The following PIK3C2G variants were observed in gnomAD, a reference collection of about 807,000 sequenced individuals.
PIK3C2G encodes phosphatidylinositol 3-kinase C2 domain-containing subunit gamma.
PIK3C2G carries 168 observed loss-of-function variants against 181.1 expected under a neutral mutation model. The observed-to-expected ratio is 0.93, with a 90% CI of 0.82 to 1.05. PIK3C2G has a LOEUF of 1.05. PIK3C2G is among the 50% of genes least tolerant of loss of function. The pLI, the probability that PIK3C2G is intolerant of heterozygous loss-of-function variation, is 0.00. For synonymous variants in PIK3C2G, 573 were observed against 592.2 expected (o/e 0.97, Z 0.47); for missense variants, 1,869 against 1,732.8 (o/e 1.08, Z -1.40).
At chr12:18,684,086 A>G in the PIK3C2G span, 4 of 1,600,440 alleles carry the variant, frequency 2.5e-6, no homozygotes, top group Non-Finnish European at 2.6e-6. Context: ...TACACAAGTT[A>G]TATTTAAATG....
the PIK3C2G span, among the ~76,000 whole-genome samples, chr12:18,686,513 T>G: frequency 6.6e-6 from 1 of 151,402 alleles, no homozygotes; most frequent in Non-Finnish European, 1.5e-5. Flanking sequence ...TTAGGACTTG[T>G]GTTCTGTCTC....
At chr12:18,658,905 T>A in the PIK3C2G span, among the ~76,000 whole-genome samples, 2 of 152,102 alleles carry the variant, frequency 1.3e-5, no homozygotes, top group Admixed American at 1.3e-4. Flanking sequence ...AAATGAGATT[T>A]TTGTATTTTT....
Position 18,563,019 on chromosome 12 carries a change from T to C in PIK3C2G, c.3780+127T>C, listed in dbSNP as rs112362447. 30 of 682,594 alleles carry C rather than the reference T, an allele frequency of 4.4e-5. No homozygotes were observed. In the African/African-American group the frequency reaches 4.7e-4, roughly 11 times the overall value. The allele number at this position is 682,594 out of a possible 1,614,324, so 42.3% of individuals were successfully genotyped here. On this transcript the variant is annotated intron_variant, in intron 27 of 32. Coordinates refer to ENST00000538779, the MANE Select transcript of PIK3C2G (RefSeq NM_001288772.2). ...TAAGCAAATGAAAAATAATTTACAA[T>C]TTAAGCAGAAGTGTCATTAAGAGGA...
chr12:18,608,876 G>A (rs1372213513), intron 30 of PIK3C2G, among the ~76,000 whole-genome samples: 1 of 152,046 alleles, frequency 6.6e-6, no homozygotes, highest in Non-Finnish European at 1.5e-5. Context: ...ATTGGTAATG[G>A]TATACAAATA....
intron 5 of PIK3C2G, among the ~76,000 whole-genome samples, chr12:18,296,711 C>T (rs1419222971): frequency 1.3e-5 from 2 of 152,000 alleles, no homozygotes; most frequent in African/African-American, 2.4e-5. Flanking sequence ...TCCCGACTCA[C>T]TCATTCTTAT....
At chr12:18,644,696 A>T (rs1950024722) in intron 32 of PIK3C2G, among the ~76,000 whole-genome samples, 2 of 152,146 alleles carry the variant, frequency 1.3e-5, no homozygotes, top group African/African-American at 4.8e-5. Flanking sequence ...TGTGACCCAG[A>T]GGTTACACAA....
upstream of PIK3C2G, among the ~76,000 whole-genome samples, chr12:18,243,751 A>T (rs1396499340): frequency 1.3e-5 from 2 of 152,012 alleles, no homozygotes; most frequent in East Asian, 3.9e-4. Flanking sequence ...TAGAATTTCA[A>T]ATTCAGAAAC....
intron 14 of PIK3C2G, among the ~76,000 whole-genome samples, chr12:18,388,029 C>T (rs976494478): frequency 3.9e-5 from 6 of 152,152 alleles, no homozygotes; most frequent in African/African-American, 1.4e-4. Context: ...ATTCCATTAT[C>T]GTCAGCGTTA....
At chr12:18,451,500 T>C (rs1409548163) in intron 18 of PIK3C2G, among the ~76,000 whole-genome samples, 1 of 152,216 alleles carries the variant, frequency 6.6e-6, no homozygotes, top group Non-Finnish European at 1.5e-5. Flanking sequence ...GTTTTCTAAA[T>C]ATAATCATGT....
intron 15 of PIK3C2G, among the ~76,000 whole-genome samples, chr12:18,396,791 GA>G (rs937844502): frequency 1.3e-5 from 2 of 151,420 alleles, no homozygotes; most frequent in African/African-American, 4.8e-5. Context: ...CTAAATAAAT[GA>G]AAAAATATAC....
intron 18 of PIK3C2G, among the ~76,000 whole-genome samples, chr12:18,432,111 A>G (rs1946193727): frequency 6.6e-6 from 1 of 152,166 alleles, no homozygotes; most frequent in Admixed American, 6.5e-5. Context: ...TAATAAAAAG[A>G]TTTTTAAAAT....
chr12:18,480,914 GTTTTTTAT>G (rs1258000490), intron 18 of PIK3C2G, among the ~76,000 whole-genome samples: 35 of 151,988 alleles, frequency 2.3e-4, no homozygotes, highest in Middle Eastern at 3.4e-3. Context: ...TCACCCTTGA[GTTTTTTAT>G]TTTTTTATTT....
intron 13 of PIK3C2G, among the ~76,000 whole-genome samples, chr12:18,380,395 T>C (rs11044056): frequency 0.32 from 49,198 of 152,064 alleles, 8,286 homozygotes; most frequent in East Asian, 0.39. Flanking sequence ...AAGTTTGGCA[T>C]TGGACATGTT....
intron 29 of PIK3C2G, among the ~76,000 whole-genome samples, chr12:18,581,055 G>T (rs984187612): frequency 6.6e-6 from 1 of 152,164 alleles, no homozygotes; most frequent in Non-Finnish European, 1.5e-5. Context: ...ACAAGAATAT[G>T]TTCAGATGAC....
chr12:18,587,009 C>G (rs1024859106), intron 29 of PIK3C2G, among the ~76,000 whole-genome samples: 46 of 152,030 alleles, frequency 3.0e-4, no homozygotes, highest in African/African-American at 1.0e-3. Flanking sequence ...ATTCAACATC[C>G]CTTCATTTAA....
downstream of PIK3C2G, among the ~76,000 whole-genome samples, chr12:18,650,073 TC>T (rs1242230846): frequency 2.6e-5 from 4 of 151,974 alleles, no homozygotes; most frequent in East Asian, 1.9e-4. Flanking sequence ...CCAGAATACC[TC>T]CCAGATTCCA....
At chr12:18,560,245 A>T (rs1023697595) in intron 26 of PIK3C2G, among the ~76,000 whole-genome samples, 1 of 152,138 alleles carries the variant, frequency 6.6e-6, no homozygotes, top group Non-Finnish European at 1.5e-5. Context: ...TATAAAAATG[A>T]ACAAGAAAAG....
chr12:18,449,648 G>A (rs1947238669), intron 18 of PIK3C2G, among the ~76,000 whole-genome samples: 2 of 152,244 alleles, frequency 1.3e-5, no homozygotes, highest in South Asian at 2.1e-4. Context: ...TTTTATGGCT[G>A]CATAGTATTC....
At chr12:18,454,519 A>G (rs1280069603) in intron 18 of PIK3C2G, among the ~76,000 whole-genome samples, 2 of 152,156 alleles carry the variant, frequency 1.3e-5, no homozygotes, top group African/African-American at 4.8e-5. Flanking sequence ...CAGGGAAAGG[A>G]AAAAGATCAT....
Sources: gnomAD v4.1 joint callset for allele counts (sites outside exome capture counted in the v4.1 genomes callset) on GRCh38, gnomAD v4.1.1 for gene constraint, MANE v1.5 for transcripts, NCBI Gene and HGNC (gene_info 2026-07-23, HGNC 2026-07-21) for gene names.